The following MEGF10 variants were observed in gnomAD, a reference collection of about 807,000 sequenced individuals.
MEGF10 encodes the protein multiple EGF like domains 10, also known as multiple epidermal growth factor-like domains protein 10.
A neutral mutation model predicts 147.5 loss-of-function variants in MEGF10; 86 were observed. That is an observed-to-expected ratio of 0.58 (90% CI 0.49 to 0.70). The LOEUF (loss-of-function observed/expected upper bound fraction) is 0.70. MEGF10 is among the 30% of genes least tolerant of loss of function. MEGF10 has a pLI of 0.00. For synonymous variants in MEGF10, 478 were observed against 525.5 expected (o/e 0.91, Z 1.24); for missense variants, 1,329 against 1,487.3 (o/e 0.89, Z 1.75).
chr5:127,426,694 T>C (rs1023584912), intron 13 of MEGF10, among the ~76,000 whole-genome samples: 3 of 152,234 alleles, frequency 2.0e-5, no homozygotes, highest in African/African-American at 7.2e-5. Context: ...TGTATGTGTG[T>C]TTCCAGAGTA....
At chr5:127,262,791 T>TTCTCTA in the MEGF10 span, among the ~76,000 whole-genome samples, 2 of 152,202 alleles carry the variant, frequency 1.3e-5, no homozygotes, top group South Asian at 4.1e-4. Flanking sequence ...TACACTTTTG[T>TTCTCTA]TCTCTATCTC....
At position 127,457,599 on chromosome 5, in the gene MEGF10, C is replaced by T; in HGVS notation, c.*281C>T. The T allele has an allele frequency of 2.6e-6, 1 of 379,550 alleles. No individual in the cohort carries two copies. Among genetic ancestry groups the T allele is most frequent in the Non-Finnish European group, 4.8e-6 (1 of 209,132 alleles). 23.5% of individuals were successfully genotyped at this position (379,550 alleles called of 1,614,324 possible). On this transcript the variant is annotated 3_prime_UTR_variant, in exon 25 of 25. Coordinates refer to ENST00000503335, the MANE Select transcript of MEGF10 (RefSeq NM_001256545.2). ...GTAAGATGTTGGCTGAAAGCATGAA[C>T]TTGCAGAACTCCCTCGGAGACGCAG...
At chr5:127,248,539 T>C in the MEGF10 span, among the ~76,000 whole-genome samples, 1 of 151,832 alleles carries the variant, frequency 6.6e-6, no homozygotes, top group Non-Finnish European at 1.5e-5. Flanking sequence ...AAAAGCAGGG[T>C]ATAAAAAATA....
At chr5:127,317,085 G>A (rs1206220178) in intron 1 of MEGF10, among the ~76,000 whole-genome samples, 1 of 152,204 alleles carries the variant, frequency 6.6e-6, no homozygotes, top group African/African-American at 2.4e-5. Context: ...GATGAGGCTG[G>A]ACTCAGATAT....
At chr5:127,422,796 G>T in intron 13 of MEGF10, 24 bp downstream of exon 13, 2 of 1,581,562 alleles carry the variant, frequency 1.3e-6, no homozygotes, top group South Asian at 2.2e-5. Context: ...ACCGCTAATT[G>T]AAAGGTGAAA....
intron 16 of MEGF10, among the ~76,000 whole-genome samples, chr5:127,436,804 T>G (rs1232305518): frequency 6.6e-6 from 1 of 152,224 alleles, no homozygotes; most frequent in Non-Finnish European, 1.5e-5. Context: ...TTGATTTCAT[T>G]GATTCCCTTA....
intron 1 of MEGF10, among the ~76,000 whole-genome samples, chr5:127,322,988 C>T (rs143052978): frequency 7.5e-4 from 114 of 151,792 alleles, no homozygotes; most frequent in African/African-American, 2.3e-3. Flanking sequence ...TATATACATA[C>T]GCACAAACAC....
chr5:127,340,895 A>T (rs975056142), intron 4 of MEGF10, among the ~76,000 whole-genome samples: 4 of 152,120 alleles, frequency 2.6e-5, no homozygotes, highest in Non-Finnish European at 4.4e-5. Flanking sequence ...GTGGTGATGT[A>T]AATTATAATT....
chr5:127,294,280 T>C (rs150845666), intron 1 of MEGF10, among the ~76,000 whole-genome samples: 1 of 152,334 alleles, frequency 6.6e-6, no homozygotes. Context: ...CCCTAACAGA[T>C]TGGTGAGTTC....
In MEGF10 at chr5:127,460,852, G is replaced by T. The variant is rs1766534622; in HGVS notation, c.*3534G>T. 1 of 152,178 alleles carries T rather than the reference G, an allele frequency of 6.6e-6. No individual in the cohort carries two copies. Among genetic ancestry groups the T allele is most frequent in the African/African-American group, 2.4e-5 (1 of 41,444 alleles). The allele number at this position is 152,178 out of a possible 1,614,324, so 9.4% of individuals were successfully genotyped here. A position where few individuals can be genotyped will look rare whatever the true frequency, so the allele number is the denominator to read the frequency against. On this transcript the variant is annotated 3_prime_UTR_variant, in exon 25 of 25. Transcript: ENST00000503335. Reference sequence around the variant, plus strand: ...GTCTTAAAGGCTTCACATCATGAAAGTGTACATGCATATGCAAGTGTGAAT... The same window carrying T: ...GTCTTAAAGGCTTCACATCATGAAATTGTACATGCATATGCAAGTGTGAAT...
At chr5:127,348,563 G>T (rs1171138727) in intron 4 of MEGF10, among the ~76,000 whole-genome samples, 1 of 152,120 alleles carries the variant, frequency 6.6e-6, no homozygotes, top group African/African-American at 2.4e-5. Context: ...GTAGGTGGGT[G>T]CATATGTGCA....
chr5:127,277,431 A>G, the MEGF10 span, among the ~76,000 whole-genome samples: 1 of 152,164 alleles, frequency 6.6e-6, no homozygotes, highest in East Asian at 1.9e-4. Context: ...TCACTTCCTT[A>G]CAAGTGTTAC....
chr5:127,326,028 A>G (rs1284343536), intron 1 of MEGF10, among the ~76,000 whole-genome samples: 2 of 148,146 alleles, frequency 1.4e-5, no homozygotes, highest in Admixed American at 1.4e-4. Context: ...CTCACCCTAT[A>G]CTCCACCCCT....
At chr5:127,231,717 A>T in the MEGF10 span, among the ~76,000 whole-genome samples, 1 of 152,184 alleles carries the variant, frequency 6.6e-6, no homozygotes, top group Non-Finnish European at 1.5e-5. Context: ...TAAATGACCA[A>T]ATGAGCTTAG....
chr5:127,312,268 T>C (rs1161249609), intron 1 of MEGF10, among the ~76,000 whole-genome samples: 1 of 152,182 alleles, frequency 6.6e-6, no homozygotes, highest in East Asian at 1.9e-4. Flanking sequence ...CAGTGGCTTG[T>C]GGGCACCAGG....
At chr5:127,269,637 A>G in the MEGF10 span, among the ~76,000 whole-genome samples, 2 of 152,238 alleles carry the variant, frequency 1.3e-5, no homozygotes, top group Non-Finnish European at 1.5e-5. Context: ...AGTGATGGAG[A>G]GAATGGAACC....
intron 1 of MEGF10, among the ~76,000 whole-genome samples, chr5:127,310,964 C>T (rs1463479746): frequency 2.6e-5 from 4 of 152,178 alleles, no homozygotes; most frequent in African/African-American, 9.7e-5. Context: ...AGTGAGCAGG[C>T]CCCTAGCTGA....
chr5:127,248,818 T>A, the MEGF10 span, among the ~76,000 whole-genome samples: 1 of 151,078 alleles, frequency 6.6e-6, no homozygotes, highest in Non-Finnish European at 1.5e-5. Flanking sequence ...AAAGGTGAAC[T>A]TGGTGAAAAA....
At chr5:127,436,180 A>G (rs1034467630) in intron 16 of MEGF10, among the ~76,000 whole-genome samples, 27 of 152,228 alleles carry the variant, frequency 1.8e-4, no homozygotes, top group African/African-American at 6.5e-4. Flanking sequence ...CTCAGTTTAT[A>G]TTGAATTCCC....
Sources: gnomAD v4.1 joint callset for allele counts (sites outside exome capture counted in the v4.1 genomes callset) on GRCh38, gnomAD v4.1.1 for gene constraint, MANE v1.5 for transcripts, NCBI Gene and HGNC (gene_info 2026-07-23, HGNC 2026-07-21) for gene names.